Variants in ROBO1 observed in about 807,000 individuals in gnomAD.
ROBO1 encodes roundabout homolog 1.
In ROBO1, 149 loss-of-function variants were observed where a neutral mutation model predicts 195.9. The ratio of observed to expected loss-of-function variants is 0.76; its 90% confidence interval spans 0.67 to 0.87. ROBO1 has a LOEUF of 0.87. Ranked by LOEUF, ROBO1 falls within the 40% of genes least tolerant of loss-of-function variation. The pLI is 0.00. For missense variants in ROBO1, 1,933 were observed against 2,068.3 expected (o/e 0.93, Z 1.27); for synonymous variants, 816 against 733.2 (o/e 1.11, Z -1.82).
At chr3:79,165,405 G>A (rs527839335) in intron 2 of ROBO1, among the ~76,000 whole-genome samples, 2 of 152,308 alleles carry the variant, frequency 1.3e-5, no homozygotes, top group Admixed American at 1.3e-4. Flanking sequence ...TAATTTACCT[G>A]TTTGAGATTC....
At chr3:79,619,965 T>C (rs1409883870) in intron 1 of ROBO1, among the ~76,000 whole-genome samples, 1 of 152,174 alleles carries the variant, frequency 6.6e-6, no homozygotes, top group Non-Finnish European at 1.5e-5. Flanking sequence ...ATTTCTGAGT[T>C]GCAATTCCTT....
At chr3:78,742,666 A>G (rs2082560987) in intron 5 of ROBO1, among the ~76,000 whole-genome samples, 1 of 152,192 alleles carries the variant, frequency 6.6e-6, no homozygotes, top group South Asian at 2.1e-4. Flanking sequence ...AAAGTTTCAG[A>G]TGTTACAACT....
chr3:79,347,349 A>G (rs1374397059), intron 2 of ROBO1, among the ~76,000 whole-genome samples: 1 of 152,170 alleles, frequency 6.6e-6, no homozygotes. Flanking sequence ...TCTGCAGAAA[A>G]TCCCAAATTC....
rs554317598 is a variant in ROBO1 at position 79,390,611 on chromosome 3, A to C, written c.88+199213T>G. On this transcript the variant is annotated intron_variant, in intron 2 of 30. Coordinates refer to ENST00000464233, the MANE Select transcript of ROBO1 (RefSeq NM_002941.4). ...GTGTCCAGTGATGCTGAGCAGCCTTAGTAAGAGGCAAACAAAGAAGTGATC... is the reference window on the plus strand; with the variant it reads ...GTGTCCAGTGATGCTGAGCAGCCTTCGTAAGAGGCAAACAAAGAAGTGATC... Among the ~76,000 whole-genome samples, 6 of 152,304 alleles carry C rather than the reference A, an allele frequency of 3.9e-5. No homozygotes were observed. The East Asian group carries it at 1.2e-3, about 29-fold the overall frequency.
At chr3:78,798,223 C>A (rs1013750496) in intron 4 of ROBO1, among the ~76,000 whole-genome samples, 1 of 152,094 alleles carries the variant, frequency 6.6e-6, no homozygotes, top group Non-Finnish European at 1.5e-5. Flanking sequence ...GTAACTGTTA[C>A]ACTTAAATAA....
intron 2 of ROBO1, among the ~76,000 whole-genome samples, chr3:79,469,145 G>A (rs1418055520): frequency 1.3e-5 from 2 of 151,830 alleles, no homozygotes; most frequent in East Asian, 3.9e-4. Flanking sequence ...AAAATAATGG[G>A]GCATACATCT....
In ROBO1 at chr3:78,717,198, C is replaced by A. The variant is rs1246682639; in HGVS notation, c.917+77G>T. Reference sequence around the variant, plus strand: ...TTCTAGAATGGACTATTCTAATGGCCCGGATGTGGAGATGATGTGATGAGA... The same window carrying A: ...TTCTAGAATGGACTATTCTAATGGCACGGATGTGGAGATGATGTGATGAGA... On this transcript the variant is annotated intron_variant, in intron 7 of 30. Coordinates refer to ENST00000464233, the MANE Select transcript of ROBO1 (RefSeq NM_002941.4). 2.8e-6 allele frequency: 4 copies of A among 1,434,408 alleles called. No homozygotes were observed. In the East Asian group the frequency reaches 7.2e-5, roughly 26 times the overall value. The allele number at this position is 1,434,408 out of a possible 1,614,324, so 88.9% of individuals were successfully genotyped here.
At chr3:78,983,616 A>C (rs2077044391) in intron 3 of ROBO1, among the ~76,000 whole-genome samples, 1 of 152,244 alleles carries the variant, frequency 6.6e-6, no homozygotes, top group South Asian at 2.1e-4. Flanking sequence ...AGGCTGAATC[A>C]CACTTGACAA....
At chr3:78,706,238 G>A (rs1351390927) in intron 8 of ROBO1, among the ~76,000 whole-genome samples, 1 of 152,020 alleles carries the variant, frequency 6.6e-6, no homozygotes, top group Non-Finnish European at 1.5e-5. Flanking sequence ...AGAAGATGGG[G>A]CAGGTGGAGC....
chr3:78,737,522 G>A (rs1260583629), intron 5 of ROBO1, among the ~76,000 whole-genome samples: 1 of 152,020 alleles, frequency 6.6e-6, no homozygotes, highest in Admixed American at 6.6e-5. Flanking sequence ...AACTAATCTA[G>A]GTATGATTAG....
At chr3:79,285,488 T>C (rs185161786) in intron 2 of ROBO1, among the ~76,000 whole-genome samples, 1 of 152,300 alleles carries the variant, frequency 6.6e-6, no homozygotes, top group Non-Finnish European at 1.5e-5. Flanking sequence ...CAATTAGCAA[T>C]GCAAAGAATG....
At chr3:78,783,076 A>T (rs2083727613) in intron 4 of ROBO1, among the ~76,000 whole-genome samples, 1 of 152,156 alleles carries the variant, frequency 6.6e-6, no homozygotes, top group Admixed American at 6.6e-5. Flanking sequence ...TTCCCTTTTT[A>T]AACATTATTT....
intron 1 of ROBO1, among the ~76,000 whole-genome samples, chr3:79,722,541 A>G (rs1354174975): frequency 6.6e-6 from 1 of 152,176 alleles, no homozygotes. Context: ...GTAGCTGGTC[A>G]TTCCAGTTAA....
rs1433340061 is a variant in ROBO1 at position 78,634,052 on chromosome 3, T to A, written c.3374-10A>T. ...TCATTTGCTCGATAATCTAGACATA[T>A]CAGATGAAAAAACAATAAACATTTA... On this transcript the variant is annotated splice_polypyrimidine_tract_variant and intron_variant, in intron 23 of 30. Transcript: ENST00000464233. 3 of 1,550,816 alleles carry A rather than the reference T, an allele frequency of 1.9e-6. No homozygotes were observed. The highest frequency in any genetic ancestry group is 1.7e-4 in the Middle Eastern group (1 of 5,890).
At chr3:79,123,900 C>G (rs1261970837) in intron 3 of ROBO1, among the ~76,000 whole-genome samples, 1 of 151,950 alleles carries the variant, frequency 6.6e-6, no homozygotes, top group Non-Finnish European at 1.5e-5. Context: ...TATTTAAATT[C>G]TCTTAATTCA....
At chr3:78,636,359 A>T (rs1186555412) in intron 22 of ROBO1, among the ~76,000 whole-genome samples, 2 of 152,180 alleles carry the variant, frequency 1.3e-5, no homozygotes, top group African/African-American at 4.8e-5. Context: ...TGCTGAAGTA[A>T]ACAATTCATC....
intron 2 of ROBO1, among the ~76,000 whole-genome samples, chr3:79,295,679 C>A (rs540954752): frequency 3.3e-5 from 5 of 151,894 alleles, no homozygotes; most frequent in African/African-American, 1.2e-4. Context: ...ATAGTCCATA[C>A]CTTGCTTTAA....
intron 2 of ROBO1, among the ~76,000 whole-genome samples, chr3:79,513,329 G>A (rs1007922215): frequency 1.3e-5 from 2 of 151,690 alleles, no homozygotes; most frequent in African/African-American, 2.4e-5. Context: ...TCTATAAATA[G>A]AAGTATGTTA....
At chr3:79,629,866 T>C (rs1292201859) in intron 1 of ROBO1, among the ~76,000 whole-genome samples, 2 of 151,992 alleles carry the variant, frequency 1.3e-5, no homozygotes, top group African/African-American at 2.4e-5. Context: ...AGCATCTCTA[T>C]GCACACAAAA....
Sources: allele counts gnomAD v4.1 joint callset (sites outside exome capture counted in the v4.1 genomes callset), GRCh38; gene constraint gnomAD v4.1.1; transcripts MANE v1.5; gene names NCBI Gene and HGNC (gene_info 2026-07-23, HGNC 2026-07-21).